The following ATP10B variants were observed in gnomAD, a reference collection of about 807,000 sequenced individuals.
The protein encoded by ATP10B is phospholipid-transporting ATPase VB.
A neutral mutation model predicts 141.2 loss-of-function variants in ATP10B; 122 were observed. That is an observed-to-expected ratio of 0.86 (90% CI 0.75 to 1.00). ATP10B has a LOEUF of 1.00. Ranked by LOEUF, ATP10B falls within the 50% of genes least tolerant of loss-of-function variation. ATP10B has a pLI of 0.00. For synonymous variants in ATP10B, 685 were observed against 692.0 expected (o/e 0.99, Z 0.16); for missense variants, 1,876 against 1,825.3 (o/e 1.03, Z -0.51).
Position 160,785,640 on chromosome 5 carries a change from T to C in ATP10B, c.-412A>G, listed in dbSNP as rs773967134. On this transcript the variant is annotated 5_prime_UTR_variant, in exon 2 of 26. Coordinates refer to ENST00000327245, the MANE Select transcript of ATP10B (RefSeq NM_025153.3). ...TCAGTGTTTATTGTTCTCATCTTTG[T>C]GTCCATGTGTAAGAAATGGTAGTTT... 3.1e-4 allele frequency: 398 copies of C among 1,274,026 alleles called. 1 individual carries two copies. The highest frequency in any genetic ancestry group is 3.8e-4 in the Non-Finnish European group (368 of 975,052). 78.9% of individuals were successfully genotyped at this position (1,274,026 alleles called of 1,614,324 possible).
chr5:160,872,725 T>A, the ATP10B span, among the ~76,000 whole-genome samples: 1 of 152,244 alleles, frequency 6.6e-6, no homozygotes, highest in Non-Finnish European at 1.5e-5. Context: ...TTCTTTTCCA[T>A]TGGCCTATGT....
intron 7 of ATP10B, among the ~76,000 whole-genome samples, chr5:160,650,001 C>T (rs1051499716): frequency 2.0e-5 from 3 of 151,460 alleles, no homozygotes; most frequent in African/African-American, 4.9e-5. Flanking sequence ...CTCAGCTACT[C>T]GGGAGGCTGA....
At chr5:160,856,517 C>G (rs185403953), upstream of ATP10B, among the ~76,000 whole-genome samples, 601 of 151,844 alleles carry the variant, frequency 4.0e-3, 5 homozygotes, top group African/African-American at 0.014. Flanking sequence ...CCTTATTGCA[C>G]TCACTGAAAC....
chr5:160,669,256 T>C (rs1212049944), intron 7 of ATP10B, among the ~76,000 whole-genome samples: 1 of 152,234 alleles, frequency 6.6e-6, no homozygotes, highest in African/African-American at 2.4e-5. Flanking sequence ...ATACCAACTG[T>C]TCCCTGGTCT....
At chr5:160,593,609 C>T (rs959719653) in intron 22 of ATP10B, among the ~76,000 whole-genome samples, 1 of 152,140 alleles carries the variant, frequency 6.6e-6, no homozygotes, top group African/African-American at 2.4e-5. Flanking sequence ...AATCAAACTA[C>T]TCCGAGCTAC....
chr5:160,691,996 T>C (rs1398148139), intron 3 of ATP10B, among the ~76,000 whole-genome samples: 1 of 152,252 alleles, frequency 6.6e-6, no homozygotes, highest in African/African-American at 2.4e-5. Flanking sequence ...AATTTATGAA[T>C]AGCATTGAAA....
intron 2 of ATP10B, among the ~76,000 whole-genome samples, chr5:160,728,551 T>G (rs1451651598): frequency 1.3e-5 from 2 of 152,148 alleles, no homozygotes; most frequent in African/African-American, 4.8e-5. Context: ...AACTCTGCAT[T>G]TGGGCCTTCC....
rs904131826 is a variant in ATP10B at position 160,837,204 on chromosome 5, G to T, written c.-576+14737C>A. Among the ~76,000 whole-genome samples the T allele has an allele frequency of 3.3e-5, 5 of 152,200 alleles. No homozygotes were observed. In the East Asian group the frequency reaches 9.6e-4, roughly 29 times the overall value. On this transcript the variant is annotated intron_variant, in intron 1 of 25. Transcript: ENST00000327245. ...GGTGCTTTTTTTCCCAACTAGAAAG[G>T]TCTTAAAAGCAGATATTACAAAATC...
chr5:160,759,098 TA>T (rs925559603), intron 2 of ATP10B, among the ~76,000 whole-genome samples: 56 of 152,300 alleles, frequency 3.7e-4, no homozygotes, highest in African/African-American at 1.3e-3. Context: ...TTTTGAGTCA[TA>T]AAAAATTATG....
chr5:160,678,354 T>C (rs1763165446), intron 6 of ATP10B, among the ~76,000 whole-genome samples: 1 of 151,940 alleles, frequency 6.6e-6, no homozygotes, highest in South Asian at 2.1e-4. Context: ...CTTGAGATGA[T>C]TGGAAATTAA....
At chr5:160,653,345 A>T (rs1167598572) in intron 7 of ATP10B, among the ~76,000 whole-genome samples, 1 of 104,874 alleles carries the variant, frequency 9.5e-6, no homozygotes, top group South Asian at 3.1e-4. Context: ...ACATACATAC[A>T]TAGGTAGTAT....
chr5:160,621,206 A>G (rs1758329727), intron 14 of ATP10B, among the ~76,000 whole-genome samples: 1 of 152,224 alleles, frequency 6.6e-6, no homozygotes, highest in African/African-American at 2.4e-5. Flanking sequence ...AACTCTCACT[A>G]TAAATGCTTC....
the ATP10B span, among the ~76,000 whole-genome samples, chr5:160,862,162 T>C: frequency 6.6e-6 from 1 of 152,016 alleles, no homozygotes; most frequent in South Asian, 2.1e-4. Context: ...CAGTCATCAG[T>C]TGTCTAGTTG....
intron 15 of ATP10B, among the ~76,000 whole-genome samples, chr5:160,619,024 T>C (rs976104350): frequency 2.0e-5 from 3 of 152,230 alleles, no homozygotes; most frequent in African/African-American, 7.2e-5. Flanking sequence ...TTATATAATA[T>C]AAAACTTGTT....
At chr5:160,885,314 A>AC in the ATP10B span, among the ~76,000 whole-genome samples, 1 of 152,210 alleles carries the variant, frequency 6.6e-6, no homozygotes, top group Non-Finnish European at 1.5e-5. Flanking sequence ...GGAAGGCAGC[A>AC]CCCTGCATGG....
intron 1 of ATP10B, among the ~76,000 whole-genome samples, chr5:160,812,603 T>C (rs922875773): frequency 1.1e-4 from 16 of 152,258 alleles, no homozygotes; most frequent in East Asian, 1.9e-4. Flanking sequence ...AAAAATGCAA[T>C]TGACATACTG....
chr5:160,732,396 T>C (rs2127795910), intron 2 of ATP10B, among the ~76,000 whole-genome samples: 1 of 152,346 alleles, frequency 6.6e-6, no homozygotes, highest in East Asian at 1.9e-4. Context: ...CTGAAGTGCT[T>C]TTCCTATGTT....
In ATP10B at chr5:160,565,180, G is replaced by T. The variant is rs144882680; in HGVS notation, c.*273C>A. 1.2e-4 allele frequency: 58 copies of T among 470,052 alleles called. No homozygotes were observed. The highest frequency in any genetic ancestry group is 1.9e-4 in the Non-Finnish European group (50 of 260,472). The allele number at this position is 470,052 out of a possible 1,614,324, so 29.1% of individuals were successfully genotyped here. A position where few individuals can be genotyped will look rare whatever the true frequency, so the allele number is the denominator to read the frequency against. On this transcript the variant is annotated 3_prime_UTR_variant, in exon 26 of 26. Transcript: ENST00000327245. ...CAGAAGAATGGCTTTGGTCTAAACC[G>T]ATTTGAGAACTCGATTCAACAAAAA...
chr5:160,706,575 C>T (rs971196296), intron 3 of ATP10B, among the ~76,000 whole-genome samples: 9 of 152,234 alleles, frequency 5.9e-5, no homozygotes, highest in South Asian at 4.2e-4. Context: ...GGTTTACCTC[C>T]GTAGCCTGAG....
Sources: gnomAD v4.1 joint callset for allele counts (sites outside exome capture counted in the v4.1 genomes callset) on GRCh38, gnomAD v4.1.1 for gene constraint, MANE v1.5 for transcripts, NCBI Gene and HGNC (gene_info 2026-07-23, HGNC 2026-07-21) for gene names.